The following TRPC3 variants were observed in gnomAD, a reference collection of about 807,000 sequenced individuals.
TRPC3 encodes the protein transient receptor potential cation channel subfamily C member 3, also known as short transient receptor potential channel 3.
Under a neutral mutation model 90.9 loss-of-function variants are expected in TRPC3, and 54 were observed. The observed-to-expected ratio is 0.59, with a 90% CI of 0.48 to 0.75. The LOEUF (loss-of-function observed/expected upper bound fraction) is 0.75. TRPC3 is among the 30% of genes least tolerant of loss of function. The pLI, the probability that TRPC3 is intolerant of heterozygous loss-of-function variation, is 0.00. For missense variants in TRPC3, 918 were observed against 1,194.5 expected (o/e 0.77, Z 3.41); for synonymous variants, 424 against 450.9 (o/e 0.94, Z 0.75).
chr4:121,921,478 C>T (rs1275909098), intron 3 of TRPC3, among the ~76,000 whole-genome samples: 10 of 140,860 alleles, frequency 7.1e-5, no homozygotes, highest in Non-Finnish European at 1.4e-4. Context: ...GCCGAGATCG[C>T]GCCACTGCAC....
chr4:121,893,014 G>A (rs13138774), intron 10 of TRPC3, among the ~76,000 whole-genome samples: 43,989 of 151,472 alleles, frequency 0.29, 7,016 homozygotes, highest in East Asian at 0.43. Context: ...CCAGCTACTC[G>A]GGAGGCTGAG....
chr4:121,950,923 TCCCTAC>T (rs1486615663), intron 1 of TRPC3: 1 of 152,012 alleles, frequency 6.6e-6, no homozygotes, highest in African/African-American at 2.4e-5. Context: ...CACTGTCCCC[TCCCTAC>T]TCCCCACTTC....
At chr4:121,925,344 G>T in intron 2 of TRPC3, 138 bp from the exon 3 acceptor site, 1 of 912,422 alleles carries the variant, frequency 1.1e-6, no homozygotes, top group Non-Finnish European at 1.6e-6. Context: ...GGCTTGTTGA[G>T]CTGAATACAG....
chr4:121,951,433 G>T lies in TRPC3; in HGVS notation c.215+33C>A. On this transcript the variant is annotated intron_variant, in intron 1 of 11. Transcript: ENST00000379645. The surrounding 1 kb of genome is among the most constrained non-coding windows in gnomAD (Gnocchi z 4.4). The stretch of plus-strand genomic sequence containing the variant: ...CGCCCCCCGCCCGGCACCGCCCTCC[G>T]AGGCGCGGGCCGCGGCCGGGCCCGG... 8.5e-7 allele frequency: 1 copy of T among 1,182,098 alleles called. No individual in the cohort carries two copies. 73.2% of individuals were successfully genotyped at this position (1,182,098 alleles called of 1,614,324 possible).
Position 121,910,359 on chromosome 4 carries a change from G to C in TRPC3, c.1587C>G (p.Leu529=), listed in dbSNP as rs944290079. 6 of 1,613,516 alleles carry C rather than the reference G, an allele frequency of 3.7e-6. No homozygotes were observed. The Admixed American group carries it at 8.3e-5, about 22-fold the overall frequency. ...LGMMWSECKE[L]WLEGPREYIL... ...TGTATTCCCTAGGTCCTTCCAGCCA[G>C]AGCTCTTTACATTCAGACCACATCA... Residue 529 remains leucine, a synonymous_variant, in exon 6 of 12, where the codon CTC becomes CTG. Transcript: ENST00000379645.
intron 1 of TRPC3, among the ~76,000 whole-genome samples, chr4:121,941,999 C>G (rs993199225): frequency 1.3e-5 from 2 of 152,108 alleles, no homozygotes; most frequent in Admixed American, 1.3e-4. Context: ...CTGCATCTAC[C>G]TACACATCAT....
intron 10 of TRPC3, among the ~76,000 whole-genome samples, chr4:121,898,028 T>C (rs534094614): frequency 1.3e-5 from 2 of 152,298 alleles, no homozygotes; most frequent in South Asian, 2.1e-4. Context: ...GAGGACATTA[T>C]GTCAAGTGAA....
At chr4:121,890,058 A>G (rs1578600613) in intron 10 of TRPC3, among the ~76,000 whole-genome samples, 1 of 152,252 alleles carries the variant, frequency 6.6e-6, no homozygotes, top group African/African-American at 2.4e-5. Context: ...GAAATAAGCC[A>G]GGTACAGAAA....
chr4:121,904,606 C>T, intron 7 of TRPC3, 89 bp from the exon 8 acceptor site: 1 of 922,262 alleles, frequency 1.1e-6, no homozygotes, highest in African/African-American at 1.7e-5. Flanking sequence ...GGTTTAACTA[C>T]TGTACAGATG....
chr4:121,948,884 A>T (rs1390735217), intron 1 of TRPC3, among the ~76,000 whole-genome samples: 7 of 137,316 alleles, frequency 5.1e-5, no homozygotes, highest in South Asian at 2.3e-4. Flanking sequence ...GTTTTTTTTT[A>T]AAACGGAACT....
intron 10 of TRPC3, among the ~76,000 whole-genome samples, chr4:121,892,670 G>A (rs1578603562): frequency 6.6e-6 from 1 of 151,990 alleles, no homozygotes; most frequent in African/African-American, 2.4e-5. Flanking sequence ...ATAATAAGGG[G>A]ACTACTTTAA....
rs949405506 is a variant in TRPC3, at chr4:121,876,855, G to C, written c.*2881C>G. 6.6e-6 allele frequency among the ~76,000 whole-genome samples: 1 copy of C among 152,146 alleles called. No individual in the cohort carries two copies. Among genetic ancestry groups the C allele is most frequent in the Non-Finnish European group, 1.5e-5 (1 of 68,032 alleles). On this transcript the variant is annotated 3_prime_UTR_variant, in exon 12 of 12. Transcript: ENST00000379645. ...ACAATAAGTCTAAGAAGCACTTTGA[G>C]TGTTGCTTTCTTTTCTTTATCTGTA...
In TRPC3 at chr4:121,878,079, A is replaced by G. The variant is rs906399085; in HGVS notation, c.*1657T>C. Reference sequence around the variant, plus strand: ...TTACTATCTTAACATATGGTAACATATAACAATGGAAAAATTCAATATTTT... The same window carrying G: ...TTACTATCTTAACATATGGTAACATGTAACAATGGAAAAATTCAATATTTT... On this transcript the variant is annotated 3_prime_UTR_variant, in exon 12 of 12. Transcript: ENST00000379645. Among the ~76,000 whole-genome samples, 12 of 152,250 alleles carry G rather than the reference A, an allele frequency of 7.9e-5. No individual in the cohort carries two copies. Among genetic ancestry groups the G allele is most frequent in the Admixed American group, 5.9e-4 (9 of 15,286 alleles).
At chr4:121,923,585 T>C (rs768823466) in intron 3 of TRPC3, among the ~76,000 whole-genome samples, 1 of 152,256 alleles carries the variant, frequency 6.6e-6, no homozygotes, top group Non-Finnish European at 1.5e-5. Context: ...GAAATCACCA[T>C]GTACTACTGT....
At chr4:121,903,157 T>A in intron 8 of TRPC3, 96 bp from the exon 9 acceptor site, 1 of 1,080,158 alleles carries the variant, frequency 9.3e-7, no homozygotes, top group Non-Finnish European at 1.3e-6. Flanking sequence ...TAAGTTACGT[T>A]TTTGAAATAG....
At chr4:121,901,132 C>T (rs1728685616) in intron 9 of TRPC3, among the ~76,000 whole-genome samples, 1 of 152,202 alleles carries the variant, frequency 6.6e-6, no homozygotes, top group Non-Finnish European at 1.5e-5. Context: ...AGAAAGAAAA[C>T]TCAAGGTGTG....
intron 7 of TRPC3, 51 bp from the exon 8 acceptor site, chr4:121,904,568 T>C: frequency 7.2e-7 from 1 of 1,395,060 alleles, no homozygotes; most frequent in Non-Finnish European, 9.6e-7. Flanking sequence ...TTTCAATATC[T>C]AAGAGTGAAA....
intron 1 of TRPC3, among the ~76,000 whole-genome samples, chr4:121,934,232 A>G (rs538852852): frequency 1.6e-4 from 25 of 152,342 alleles, no homozygotes; most frequent in Admixed American, 5.9e-4. Context: ...ATCGAATTTT[A>G]TGAAGTTCTC....
chr4:121,932,583 C>T lies in TRPC3; in HGVS notation c.675G>A (p.Glu225=). The T allele has an allele frequency of 1.2e-6, 2 of 1,614,240 alleles. No homozygotes were observed. The highest frequency in any genetic ancestry group is 1.7e-6 in the Non-Finnish European group (2 of 1,180,046). ...TGTCCGGCGAGAAGCGCGTGCCGTC[C>T]TCGTCGTAAGCGTAGAAGTCGTCGT... is the stretch of plus-strand genomic sequence containing the variant. ...LQDDDFYAYD[E]DGTRFSPDIT... Residue 225 remains glutamate (E), a synonymous_variant, in exon 2 of 12, where the codon GAG becomes GAA. Transcript: ENST00000379645. The surrounding 1 kb of genome is among the most constrained non-coding windows in gnomAD (Gnocchi z 7.7).
Sources: gnomAD v4.1 joint callset for allele counts (sites outside exome capture counted in the v4.1 genomes callset) on GRCh38, gnomAD v4.1.1 for gene constraint, Gnocchi (gnomAD v3.1) non-coding constraint, MANE v1.5 for transcripts, NCBI Gene and HGNC (gene_info 2026-07-23, HGNC 2026-07-21) for gene names.